Variants in RAPGEF1 observed in about 807,000 individuals in gnomAD.
RAPGEF1 encodes CRK SH3-binding GNRP.
In RAPGEF1, 33 loss-of-function variants were observed where a neutral mutation model predicts 143.3. The ratio of observed to expected loss-of-function variants is 0.23; its 90% CI spans 0.17 to 0.31. The LOEUF (loss-of-function observed/expected upper bound fraction) is 0.31, where lower values mean the gene tolerates loss of function less well. RAPGEF1 is among the 10% of genes least tolerant of loss of function. The pLI, the probability that RAPGEF1 is intolerant of heterozygous loss-of-function variation, is 1.00. For missense variants in RAPGEF1, 1,199 were observed against 1,645.4 expected, an observed-to-expected ratio of 0.73 and a Z score of 4.69; for synonymous variants, 629 against 676.5, an observed-to-expected ratio of 0.93 and a Z score of 1.09.
At position 131,740,043 on chromosome 9, in the gene RAPGEF1, C is replaced by A. The variant is rs1271538854; in HGVS notation, c.-213G>T. The A allele has an allele frequency of 2.7e-5, 4 of 146,844 alleles. No individual in the cohort carries two copies. The South Asian group carries it at 6.2e-4, about 23-fold the overall frequency. 9.1% of individuals were successfully genotyped at this position (146,844 alleles called of 1,614,324 possible). A position where few individuals can be genotyped will look rare whatever the true frequency, so the allele number is the denominator to read the frequency against. Reference sequence around the variant, plus strand: ...CGCCTCCCGCGCGCCCGCCGCCGCTCCCCCGGCCCGCGAGCCGGCCGCAGC... The same window carrying A: ...CGCCTCCCGCGCGCCCGCCGCCGCTACCCCGGCCCGCGAGCCGGCCGCAGC... On this transcript the variant is annotated 5_prime_UTR_variant, in exon 1 of 27. Transcript: ENST00000683357. This position sits in a 1 kb window ranked among gnomAD's most constrained non-coding sequence, Gnocchi z 4.5.
chr9:131,592,007 G>A (rs1954363518), intron 18 of RAPGEF1, 92 bp downstream of exon 18: 12 of 985,342 alleles, frequency 1.2e-5, no homozygotes, highest in African/African-American at 4.9e-5. Context: ...TATGCTGCTC[G>A]GCTTCCCCCA....
chr9:131,671,499 C>T (rs952384911), intron 1 of RAPGEF1, among the ~76,000 whole-genome samples: 1 of 152,230 alleles, frequency 6.6e-6, no homozygotes, highest in Non-Finnish European at 1.5e-5. Context: ...AGCCCAACAA[C>T]GTGGGGCCTT....
chr9:131,610,781 T>C (rs1294020416), intron 12 of RAPGEF1, among the ~76,000 whole-genome samples: 1 of 152,234 alleles, frequency 6.6e-6, no homozygotes, highest in Admixed American at 6.5e-5. Flanking sequence ...TTATCTATTC[T>C]GGAAGGAAAT....
intron 1 of RAPGEF1, among the ~76,000 whole-genome samples, chr9:131,682,853 A>G (rs1833030975): frequency 1.3e-5 from 2 of 152,236 alleles, no homozygotes; most frequent in South Asian, 2.1e-4. Flanking sequence ...ATTTCTCTAC[A>G]GCACTGGCCG....
intron 17 of RAPGEF1, among the ~76,000 whole-genome samples, chr9:131,593,412 C>G (rs1054373811): frequency 3.3e-5 from 5 of 152,240 alleles, no homozygotes; most frequent in African/African-American, 1.2e-4. Flanking sequence ...CAGCCACCCC[C>G]CGTGCCTGCT....
chr9:131,613,433 C>G (rs1447109214), intron 12 of RAPGEF1, among the ~76,000 whole-genome samples: 1 of 152,088 alleles, frequency 6.6e-6, no homozygotes, highest in East Asian at 1.9e-4. Context: ...ACACTATAGT[C>G]TAGCTGCAGG....
intron 12 of RAPGEF1, among the ~76,000 whole-genome samples, chr9:131,607,335 C>A (rs1957278276): frequency 6.6e-6 from 1 of 152,212 alleles, no homozygotes; most frequent in Non-Finnish European, 1.5e-5. Flanking sequence ...CTCACCTACA[C>A]CCTCACAGCA....
intron 5 of RAPGEF1, among the ~76,000 whole-genome samples, chr9:131,633,187 C>G (rs968261367): frequency 3.9e-5 from 6 of 152,212 alleles, no homozygotes; most frequent in South Asian, 4.1e-4. Context: ...ATTTAAGGGA[C>G]AGCCATCTAG....
intron 1 of RAPGEF1, among the ~76,000 whole-genome samples, chr9:131,719,357 T>C (rs901066823): frequency 6.6e-6 from 1 of 152,106 alleles, no homozygotes; most frequent in African/African-American, 2.4e-5. Flanking sequence ...ACAAGAAGCA[T>C]GAACTGGAAG....
chr9:131,609,115 A>C (rs1957591828), intron 12 of RAPGEF1, among the ~76,000 whole-genome samples: 2 of 152,140 alleles, frequency 1.3e-5, no homozygotes, highest in Non-Finnish European at 2.9e-5. Flanking sequence ...GGTGCCAGTT[A>C]GGAGAGGGGT....
intron 4 of RAPGEF1, among the ~76,000 whole-genome samples, chr9:131,640,174 A>AT (rs1381018018): frequency 2.6e-5 from 4 of 152,240 alleles, no homozygotes; most frequent in Non-Finnish European, 5.9e-5. Flanking sequence ...CGGGGGTTGG[A>AT]CCAGAGCTGA....
At position 131,626,070 on chromosome 9, in the gene RAPGEF1, G is replaced by A. The variant is rs199608389; in HGVS notation, c.1554C>T (p.Ser518=). 31 of 1,613,904 alleles carry A rather than the reference G, an allele frequency of 1.9e-5. No individual in the cohort carries two copies. Among genetic ancestry groups the A allele is most frequent in the African/African-American group, 1.3e-4 (10 of 75,036 alleles). The change falls in exon 10 of 27, where the codon TCC becomes TCT. Residue 518 remains serine, a synonymous_variant. Transcript: ENST00000683357. ...TAGCAGCAAAGGGCGCGTAGGGGAC[G>A]GATGGGATCGGGGCTGTGCTCTGCA... ...EDLQSTAPIP[S]VPYAPFAAIL... is the part of the protein sequence containing the mutation.
chr9:131,612,615 A>AG (rs1206761550), intron 12 of RAPGEF1, among the ~76,000 whole-genome samples: 6 of 152,134 alleles, frequency 3.9e-5, no homozygotes, highest in African/African-American at 1.4e-4. Flanking sequence ...CTTTCTCTAT[A>AG]GGTGGCTCTA....
rs138074061 is a variant in RAPGEF1 at position 131,636,952 on chromosome 9, G to A, written c.651+1683C>T. On this transcript the variant is annotated intron_variant, in intron 5 of 26. Coordinates refer to ENST00000683357, the MANE Select transcript of RAPGEF1 (RefSeq NM_001377935.1). ...TGAAGGGAACATGGGGAGGCTGGGCGCAGTGGCTCACACCTGTAATCCCAA... is the reference window on the plus strand; with the variant it reads ...TGAAGGGAACATGGGGAGGCTGGGCACAGTGGCTCACACCTGTAATCCCAA... Among the ~76,000 whole-genome samples, 52 of 152,276 alleles carry A rather than the reference G, an allele frequency of 3.4e-4. No homozygotes were observed. The East Asian group carries it at 7.9e-3, about 23-fold the overall frequency.
intron 1 of RAPGEF1, among the ~76,000 whole-genome samples, chr9:131,725,701 T>C (rs1836610135): frequency 1.3e-5 from 2 of 152,152 alleles, no homozygotes; most frequent in Admixed American, 6.5e-5. Flanking sequence ...TAGCCATTTG[T>C]ATATCTCCTT....
At chr9:131,700,124 CT>C (rs1052915200) in intron 1 of RAPGEF1, among the ~76,000 whole-genome samples, 20 of 152,252 alleles carry the variant, frequency 1.3e-4, no homozygotes, top group Middle Eastern at 6.8e-3. Context: ...ACTACTCTTT[CT>C]CTCTTTCACC....
intron 10 of RAPGEF1, among the ~76,000 whole-genome samples, chr9:131,622,252 G>A (rs532576326): frequency 7.8e-4 from 119 of 152,298 alleles, no homozygotes; most frequent in Admixed American, 1.2e-3. Flanking sequence ...GGACTCAAGC[G>A]AGGGCACATG....
intron 1 of RAPGEF1, among the ~76,000 whole-genome samples, chr9:131,691,147 C>G (rs1383499422): frequency 4.6e-5 from 7 of 152,144 alleles, no homozygotes; most frequent in Non-Finnish European, 5.9e-5. Flanking sequence ...CTGTATTTGC[C>G]TTCTGAAGTC....
chr9:131,609,599 G>A (rs1402945877), intron 12 of RAPGEF1, among the ~76,000 whole-genome samples: 1 of 152,164 alleles, frequency 6.6e-6, no homozygotes, highest in Non-Finnish European at 1.5e-5. Flanking sequence ...GGCAGGACAG[G>A]CAGGGAAAAG....
Sources: allele counts gnomAD v4.1 joint callset (sites outside exome capture counted in the v4.1 genomes callset), GRCh38; gene constraint gnomAD v4.1.1; non-coding constraint Gnocchi (gnomAD v3.1); transcripts MANE v1.5; gene names NCBI Gene and HGNC (gene_info 2026-07-23, HGNC 2026-07-21).